Variants in ST6GALNAC5 observed in about 807,000 individuals in gnomAD.
The protein encoded by ST6GALNAC5 is alpha-N-acetylgalactosaminide alpha-2,6-sialyltransferase 5.
In ST6GALNAC5, 27 loss-of-function variants were observed where a neutral mutation model predicts 33.6. The ratio of observed to expected loss-of-function variants is 0.80; its 90% CI spans 0.59 to 1.11. The LOEUF (loss-of-function observed/expected upper bound fraction) is 1.11, where lower values mean the gene tolerates loss of function less well. Among genes scored for constraint, ST6GALNAC5 ranks in the 50% least tolerant of loss-of-function variants. The pLI is 0.00. For missense variants in ST6GALNAC5, 428 were observed against 454.0 expected, an observed-to-expected ratio of 0.94 and a Z score of 0.52; for synonymous variants, 194 against 171.2, an observed-to-expected ratio of 1.13 and a Z score of -1.04.
At chr1:76,903,368 G>GA (rs959714063) in intron 2 of ST6GALNAC5, among the ~76,000 whole-genome samples, 7 of 151,966 alleles carry the variant, frequency 4.6e-5, no homozygotes, top group African/African-American at 1.4e-4. Context: ...TGGCTGTATT[G>GA]AAAAAAATAT....
intron 2 of ST6GALNAC5, among the ~76,000 whole-genome samples, chr1:76,895,264 G>C (rs1471161758): frequency 6.6e-6 from 1 of 151,702 alleles, no homozygotes; most frequent in Non-Finnish European, 1.5e-5. Context: ...ATGAAATAGT[G>C]GTAAAGTGTT....
At chr1:76,986,628 G>C (rs1649508794) in intron 2 of ST6GALNAC5, among the ~76,000 whole-genome samples, 1 of 152,142 alleles carries the variant, frequency 6.6e-6, no homozygotes, top group African/African-American at 2.4e-5. Context: ...TCTAGAACTA[G>C]AATTACCATT....
intron 2 of ST6GALNAC5, among the ~76,000 whole-genome samples, chr1:76,974,312 C>A (rs1648905372): frequency 8.3e-6 from 1 of 120,898 alleles, no homozygotes; most frequent in South Asian, 2.9e-4. Context: ...TCAAAGTGAT[C>A]CTCCTACCTT....
intron 2 of ST6GALNAC5, among the ~76,000 whole-genome samples, chr1:76,940,803 C>A (rs1647315114): frequency 6.6e-6 from 1 of 152,070 alleles, no homozygotes. Flanking sequence ...GAATTAGAAG[C>A]TTTGGAGTGT....
chr1:77,041,099 C>G (rs74090592), intron 2 of ST6GALNAC5, among the ~76,000 whole-genome samples: 3,440 of 152,340 alleles, frequency 0.023, 129 homozygotes, highest in African/African-American at 0.079. Context: ...TCATCAAATC[C>G]AAAGCACATT....
chr1:76,868,513 T>A lies in ST6GALNAC5; in HGVS notation c.32T>A (p.Val11Glu). 6.2e-7 allele frequency: 1 copy of A among 1,608,664 alleles called. No individual in the cohort carries two copies. Among genetic ancestry groups the A allele is most frequent in the Non-Finnish European group, 8.5e-7 (1 of 1,176,794 alleles). Residue 11 changes from valine (V) to glutamate (E), a missense_variant, in exon 2 of 5, where the codon GTG (valine) becomes GAG (glutamate). By Grantham distance (121) the Val-to-Glu change is moderately radical. Coordinates refer to ENST00000477717, the MANE Select transcript of ST6GALNAC5 (RefSeq NM_030965.3). The surrounding 1 kb of genome is among the most constrained non-coding windows in gnomAD (Gnocchi z 4.3). Reference sequence around the variant, plus strand: ...CGCCCGCAGCGCCATGGTCTGGCAGTGTGTTTAGCGCTCACCACCATGTGC... The same window carrying A: ...CGCCCGCAGCGCCATGGTCTGGCAGAGTGTTTAGCGCTCACCACCATGTGC... MKTLMRHGLA[V>E]CLALTTMCTS...
At chr1:76,953,466 G>A (rs1356396967) in intron 2 of ST6GALNAC5, among the ~76,000 whole-genome samples, 2 of 152,064 alleles carry the variant, frequency 1.3e-5, no homozygotes, top group African/African-American at 4.8e-5. Context: ...TTTGCCACCT[G>A]TATCACCTCT....
chr1:76,901,837 G>A (rs1474608806), intron 2 of ST6GALNAC5, among the ~76,000 whole-genome samples: 2 of 152,032 alleles, frequency 1.3e-5, no homozygotes, highest in East Asian at 1.9e-4. Context: ...TCTTGAGTGT[G>A]TTCATCAGAT....
intron 2 of ST6GALNAC5, among the ~76,000 whole-genome samples, chr1:77,008,151 C>A (rs1170559716): frequency 6.6e-6 from 1 of 152,138 alleles, no homozygotes; most frequent in Non-Finnish European, 1.5e-5. Flanking sequence ...GGTTTAATGT[C>A]CAGCTGGTGC....
At chr1:76,911,426 C>T (rs966081001) in intron 2 of ST6GALNAC5, among the ~76,000 whole-genome samples, 4 of 152,038 alleles carry the variant, frequency 2.6e-5, no homozygotes, top group East Asian at 1.9e-4. Context: ...TGTCTCTGCC[C>T]GGCTTTGCTA....
chr1:76,921,725 G>A (rs1417684591), intron 2 of ST6GALNAC5, among the ~76,000 whole-genome samples: 1 of 152,160 alleles, frequency 6.6e-6, no homozygotes, highest in Non-Finnish European at 1.5e-5. Context: ...CCATTTGAAA[G>A]TCAATAAATC....
intron 2 of ST6GALNAC5, among the ~76,000 whole-genome samples, chr1:76,942,818 G>A (rs1355374467): frequency 2.6e-5 from 4 of 152,072 alleles, no homozygotes; most frequent in Non-Finnish European, 5.9e-5. Context: ...CACCTCCACA[G>A]ACATTTAGAA....
rs1286305658 is a variant in ST6GALNAC5, at chr1:77,002,399, T to C, written c.262-41805T>C. Among the ~76,000 whole-genome samples, 3 of 152,196 alleles carry C rather than the reference T, an allele frequency of 2.0e-5. No individual in the cohort carries two copies. In the East Asian group the frequency reaches 5.8e-4, roughly 29 times the overall value. ...TCTCTCTTTTTTTCTTTATTAGTCTTGATAGCGGTCTGTAAATTTTGTTGC... is the reference window on the plus strand; with the variant it reads ...TCTCTCTTTTTTTCTTTATTAGTCTCGATAGCGGTCTGTAAATTTTGTTGC... On this transcript the variant is annotated intron_variant, in intron 2 of 4. Transcript: ENST00000477717.
intron 2 of ST6GALNAC5, among the ~76,000 whole-genome samples, chr1:76,938,620 C>T (rs1335118730): frequency 6.6e-6 from 1 of 152,106 alleles, no homozygotes; most frequent in African/African-American, 2.4e-5. Flanking sequence ...CTCTGCCCCC[C>T]TTCAAACACT....
At chr1:77,025,753 G>A (rs537761965) in intron 2 of ST6GALNAC5, among the ~76,000 whole-genome samples, 26 of 152,044 alleles carry the variant, frequency 1.7e-4, no homozygotes, top group Admixed American at 5.9e-4. Context: ...CCACTGTGCC[G>A]GGTCATCCAG....
rs535548615 is a variant in ST6GALNAC5, at chr1:77,011,425, A to G, written c.262-32779A>G. The stretch of plus-strand genomic sequence containing the variant: ...GCTGCTAGGGGACAGAAAAGCCATT[A>G]GAGATATTCCCTGGGTATGTAGCCC... On this transcript the variant is annotated intron_variant, in intron 2 of 4. Transcript: ENST00000477717. 1.1e-4 allele frequency among the ~76,000 whole-genome samples: 17 copies of G among 152,332 alleles called. No homozygotes were observed. In the South Asian group the frequency reaches 3.5e-3, roughly 32 times the overall value.
At chr1:77,017,464 C>T (rs769472007) in intron 2 of ST6GALNAC5, among the ~76,000 whole-genome samples, 33 of 152,116 alleles carry the variant, frequency 2.2e-4, no homozygotes, top group Non-Finnish European at 3.4e-4. Flanking sequence ...GTCAAGGGCA[C>T]GGGAGCATGG....
chr1:76,895,478 G>A (rs1654109807), intron 2 of ST6GALNAC5, among the ~76,000 whole-genome samples: 2 of 152,140 alleles, frequency 1.3e-5, no homozygotes, highest in South Asian at 4.1e-4. Context: ...GCCTGGATAT[G>A]GTTTTGTATG....
At chr1:76,981,354 T>G (rs1649244821) in intron 2 of ST6GALNAC5, among the ~76,000 whole-genome samples, 1 of 152,192 alleles carries the variant, frequency 6.6e-6, no homozygotes, top group Non-Finnish European at 1.5e-5. Context: ...CCTGGCTCGA[T>G]GGGTCCCACA....
Sources: gnomAD v4.1 joint callset for allele counts (sites outside exome capture counted in the v4.1 genomes callset) on GRCh38, gnomAD v4.1.1 for gene constraint, Gnocchi (gnomAD v3.1) non-coding constraint, MANE v1.5 for transcripts, NCBI Gene and HGNC (gene_info 2026-07-23, HGNC 2026-07-21) for gene names.